DPT: variants seen among roughly 807,000 people sequenced by gnomAD.
The protein encoded by DPT is dermatopontin, also known as tyrosine-rich acidic matrix protein.
DPT carries 21 observed loss-of-function variants against 31.2 expected under a neutral mutation model. The ratio of observed to expected loss-of-function variants is 0.67; its 90% CI spans 0.48 to 0.97. The LOEUF is 0.97. DPT is among the 50% of genes least tolerant of loss of function. The pLI is 0.00. For missense variants in DPT, 262 were observed against 258.8 expected (o/e 1.01, Z -0.08); for synonymous variants, 91 against 86.9 (o/e 1.05, Z -0.26).
At chr1:168,702,515 C>T (rs775168058) in intron 2 of DPT, among the ~76,000 whole-genome samples, 4 of 151,810 alleles carry the variant, frequency 2.6e-5, no homozygotes, top group Non-Finnish European at 5.9e-5. Context: ...TTTTGCTTAA[C>T]GAGTTCATGA....
chr1:168,716,917 G>A (rs573234786), intron 1 of DPT, among the ~76,000 whole-genome samples: 2 of 152,312 alleles, frequency 1.3e-5, no homozygotes, highest in Non-Finnish European at 2.9e-5. Context: ...GTATTCCATG[G>A]TGTATATGTA....
chr1:168,710,323 A>T (rs1481382487), intron 2 of DPT, among the ~76,000 whole-genome samples: 3 of 152,154 alleles, frequency 2.0e-5, no homozygotes, highest in Non-Finnish European at 4.4e-5. Flanking sequence ...AGGTGGAACC[A>T]CACCTTAGTG....
intron 2 of DPT, among the ~76,000 whole-genome samples, chr1:168,704,292 A>G (rs1366540036): frequency 6.6e-6 from 1 of 152,238 alleles, no homozygotes; most frequent in East Asian, 1.9e-4. Flanking sequence ...GGCAAGATGA[A>G]GAAGAGCGCA....
intron 3 of DPT, among the ~76,000 whole-genome samples, chr1:168,699,599 T>TTA (rs1557845375): frequency 6.8e-6 from 1 of 147,644 alleles, no homozygotes; most frequent in African/African-American, 2.5e-5. Flanking sequence ...TTTTTTTTTT[T>TTA]AAAAAAAAAA....
At chr1:168,703,946 C>T (rs1366916217) in intron 2 of DPT, among the ~76,000 whole-genome samples, 1 of 152,184 alleles carries the variant, frequency 6.6e-6, no homozygotes, top group Non-Finnish European at 1.5e-5. Context: ...CACACACACG[C>T]GCACAAAGTG....
At position 168,729,060 on chromosome 1, in the gene DPT, C is replaced by G. The variant is rs998688; in HGVS notation, c.115G>C (p.Val39Leu). The G allele has an allele frequency of 1.2e-6, 2 of 1,614,116 alleles. No individual in the cohort carries two copies. Among genetic ancestry groups the G allele is most frequent in the Non-Finnish European group, 1.7e-6 (2 of 1,180,054 alleles). Residue 39 changes from valine (V) to leucine (L), a missense_variant, in exon 1 of 4, where the codon GTG becomes CTG. By Grantham distance (32) the Val-to-Leu change is conservative. Transcript: ENST00000367817. ...QYHDYSDDGW[V>L]NLNRQGFSYQ... ...CTGAAGCCTTGCCGGTTCAAATTCACCCACCCATCATCGCTGTAGTCATGA... is the reference window on the plus strand; with the variant it reads ...CTGAAGCCTTGCCGGTTCAAATTCAGCCACCCATCATCGCTGTAGTCATGA...
In DPT at chr1:168,696,482, T is replaced by G; in HGVS notation, c.*67A>C. 1 of 1,394,068 alleles carries G rather than the reference T, an allele frequency of 7.2e-7. No homozygotes were observed. Among genetic ancestry groups the G allele is most frequent in the South Asian group, 1.3e-5 (1 of 78,802 alleles). The allele number at this position is 1,394,068 out of a possible 1,614,324, so 86.4% of individuals were successfully genotyped here. On this transcript the variant is annotated 3_prime_UTR_variant, in exon 4 of 4. Transcript: ENST00000367817. ...CTTCTATAGGAGATCCAACTGATGTTAACATATGTGGACACCCTCCTGTCC... is the reference window on the plus strand; with the variant it reads ...CTTCTATAGGAGATCCAACTGATGTGAACATATGTGGACACCCTCCTGTCC...
At chr1:168,698,938 G>C (rs1649525314) in intron 3 of DPT, among the ~76,000 whole-genome samples, 1 of 152,182 alleles carries the variant, frequency 6.6e-6, no homozygotes, top group South Asian at 2.1e-4. Flanking sequence ...CAGTAGCAAA[G>C]TTGCATGAGT....
intron 3 of DPT, among the ~76,000 whole-genome samples, chr1:168,699,971 A>T (rs1649555996): frequency 6.6e-6 from 1 of 152,156 alleles, no homozygotes; most frequent in Admixed American, 6.5e-5. Context: ...AAAAAGTGTT[A>T]GTGCTGTTTT....
At chr1:168,725,573 C>T (rs1406419295) in intron 1 of DPT, among the ~76,000 whole-genome samples, 1 of 152,062 alleles carries the variant, frequency 6.6e-6, no homozygotes, top group East Asian at 1.9e-4. Context: ...CTAGGCATGC[C>T]CTGGGATGGT....
chr1:168,702,653 C>T (rs1400295641), intron 2 of DPT, among the ~76,000 whole-genome samples: 1 of 143,684 alleles, frequency 7.0e-6, no homozygotes, highest in Non-Finnish European at 1.5e-5. Flanking sequence ...ACTCTGTCAC[C>T]CAGGCTGTTG....
chr1:168,714,829 G>C (rs535694391), intron 1 of DPT, among the ~76,000 whole-genome samples: 1 of 152,228 alleles, frequency 6.6e-6, no homozygotes, highest in African/African-American at 2.4e-5. Flanking sequence ...GCACAAGGAT[G>C]ATCATTCGTT....
chr1:168,696,193 G>T lies in DPT; in HGVS notation c.*356C>A. 1 of 431,096 alleles carries T rather than the reference G, an allele frequency of 2.3e-6. No homozygotes were observed. Among genetic ancestry groups the T allele is most frequent in the South Asian group, 8.2e-5 (1 of 12,146 alleles). The allele number at this position is 431,096 out of a possible 1,614,324, so 26.7% of individuals were successfully genotyped here. A position where few individuals can be genotyped will look rare whatever the true frequency, so the allele number is the denominator to read the frequency against. ...TTCTGCCTCTCCCCTCCACTATGCT[G>T]AACTTGCAGTTCATTCTGCAGTAAA... On this transcript the variant is annotated 3_prime_UTR_variant, in exon 4 of 4. Coordinates refer to ENST00000367817, the MANE Select transcript of DPT (RefSeq NM_001937.5).
At chr1:168,716,487 T>G (rs1649988877) in intron 1 of DPT, among the ~76,000 whole-genome samples, 1 of 152,170 alleles carries the variant, frequency 6.6e-6, no homozygotes, top group Non-Finnish European at 1.5e-5. Context: ...TCTAGCTTTT[T>G]TTTTTTGGTA....
intron 1 of DPT, among the ~76,000 whole-genome samples, chr1:168,723,406 C>T (rs895450197): frequency 6.6e-6 from 1 of 152,204 alleles, no homozygotes; most frequent in African/African-American, 2.4e-5. Context: ...TGTTATTCAT[C>T]TCCATCTTCC....
intron 1 of DPT, among the ~76,000 whole-genome samples, chr1:168,728,121 C>T (rs779459814): frequency 3.0e-4 from 45 of 152,148 alleles, no homozygotes; most frequent in African/African-American, 9.7e-4. Context: ...AGTACAAGCT[C>T]GAAAAAATTC....
Position 168,696,468 on chromosome 1 carries a change from G to A in DPT, c.*81C>T. The A allele has an allele frequency of 4.9e-6, 6 of 1,232,004 alleles. No individual in the cohort carries two copies. The highest frequency in any genetic ancestry group is 6.9e-6 in the Non-Finnish European group (6 of 868,494). 76.3% of individuals were successfully genotyped at this position (1,232,004 alleles called of 1,614,324 possible). A position where few individuals can be genotyped will look rare whatever the true frequency, so the allele number is the denominator to read the frequency against. On this transcript the variant is annotated 3_prime_UTR_variant, in exon 4 of 4. Transcript: ENST00000367817. ...GAGAGCAGCAGAAACTTCTATAGGA[G>A]ATCCAACTGATGTTAACATATGTGG...
intron 2 of DPT, among the ~76,000 whole-genome samples, chr1:168,702,955 T>A (rs188189946): frequency 1.5e-4 from 23 of 152,264 alleles, no homozygotes; most frequent in Non-Finnish European, 3.2e-4. Flanking sequence ...CTTACTTGGA[T>A]CCCACTGATT....
intron 2 of DPT, among the ~76,000 whole-genome samples, chr1:168,701,937 A>G (rs1041908079): frequency 2.0e-5 from 3 of 149,888 alleles, no homozygotes; most frequent in Admixed American, 1.3e-4. Context: ...AATCACTAAG[A>G]ACTATTTTGT....
Sources: allele counts gnomAD v4.1 joint callset (sites outside exome capture counted in the v4.1 genomes callset), GRCh38; gene constraint gnomAD v4.1.1; transcripts MANE v1.5; gene names NCBI Gene and HGNC (gene_info 2026-07-23, HGNC 2026-07-21).